PCDH15: variants seen among roughly 807,000 people sequenced by gnomAD.
PCDH15 encodes protocadherin related 15.
PCDH15 carries 129 observed loss-of-function variants against 178.5 expected under a neutral mutation model. That is an observed-to-expected ratio of 0.72 (90% CI 0.63 to 0.84). PCDH15 has a LOEUF of 0.84. Among genes scored for constraint, PCDH15 ranks in the 40% least tolerant of loss-of-function variants. The pLI is 0.00. For synonymous variants in PCDH15, 800 were observed against 732.0 expected, an observed-to-expected ratio of 1.09 and a Z score of -1.50; for missense variants, 2,230 against 2,099.9, an observed-to-expected ratio of 1.06 and a Z score of -1.21.
intron 9 of PCDH15, among the ~76,000 whole-genome samples, chr10:54,231,888 C>T (rs1474305256): frequency 5.3e-5 from 8 of 152,148 alleles, no homozygotes; most frequent in Admixed American, 5.2e-4. Flanking sequence ...GCCTGTACCC[C>T]CATTGTATCT....
At chr10:55,423,963 A>T (rs954266401) in intron 2 of PCDH15, among the ~76,000 whole-genome samples, 6 of 152,102 alleles carry the variant, frequency 3.9e-5, no homozygotes. Flanking sequence ...TTTAGAATCC[A>T]CAGTAATAAT....
chr10:54,134,328 C>T (rs79798284), intron 14 of PCDH15, among the ~76,000 whole-genome samples: 2,531 of 149,568 alleles, frequency 0.017, 340 homozygotes, highest in African/African-American at 0.059. Flanking sequence ...CAGGTATGAG[C>T]ACCACACCTG....
intron 2 of PCDH15, among the ~76,000 whole-genome samples, chr10:55,334,242 A>ATGTATGTGTG (rs1844304366): frequency 1.4e-5 from 1 of 72,162 alleles, no homozygotes; most frequent in African/African-American, 9.5e-5. Context: ...ATATATATAT[A>ATGTATGTGTG]TGTGTGTGTG....
chr10:54,034,946 T>G (rs1294370061), intron 18 of PCDH15, among the ~76,000 whole-genome samples: 2 of 151,902 alleles, frequency 1.3e-5, no homozygotes, highest in Non-Finnish European at 2.9e-5. Context: ...ACATCCTTTT[T>G]TCTTTCTGGT....
rs768219545 is a variant in PCDH15, at chr10:53,840,451, G to A, written c.3852C>T (p.Val1284=). 1.9e-6 allele frequency: 3 copies of A among 1,613,994 alleles called. No homozygotes were observed. Among genetic ancestry groups the A allele is most frequent in the Non-Finnish European group, 2.5e-6 (3 of 1,179,926 alleles). Residue 1284 remains valine (V), a synonymous_variant, in exon 29 of 38, where the codon GTC becomes GTT. Coordinates refer to ENST00000644397, the MANE Select transcript of PCDH15 (RefSeq NM_001384140.1). The part of the protein sequence containing the change: ...YVQEQIPGAK[V]VVESIGARRH... The stretch of plus-strand genomic sequence containing the variant: ...GGCGAGCTCCAATGGACTCCACTAC[G>A]ACCTTGGCACCAGGAATTTGTTCCT...
chr10:54,226,847 C>T lies in PCDH15; in HGVS notation c.985+9976G>A, dbSNP rs114720710. 9.3e-3 allele frequency among the ~76,000 whole-genome samples: 1,409 copies of T among 152,214 alleles called. 15 individuals carry two copies. The highest frequency in any genetic ancestry group is 0.032 in the African/African-American group (1,336 of 41,546). ...CCAAAACGAAGGGTCTACAGGCCCC[C>T]AAGTCCAAAATCCAGCAGGAAAGTC... On this transcript the variant is annotated intron_variant, in intron 9 of 37. Transcript: ENST00000644397.
chr10:55,496,957 A>G (rs1175174334), intron 2 of PCDH15, among the ~76,000 whole-genome samples: 1 of 151,882 alleles, frequency 6.6e-6, no homozygotes, highest in Non-Finnish European at 1.5e-5. Context: ...TCTCCACAAA[A>G]TAGGCAAAAT....
At chr10:55,484,363 A>T (rs1268786230) in intron 2 of PCDH15, among the ~76,000 whole-genome samples, 3 of 151,772 alleles carry the variant, frequency 2.0e-5, no homozygotes, top group Non-Finnish European at 4.4e-5. Context: ...CTATTACAAA[A>T]TCCAAAACAT....
At chr10:54,373,705 T>A (rs374430997) in intron 4 of PCDH15, among the ~76,000 whole-genome samples, 4 of 152,010 alleles carry the variant, frequency 2.6e-5, no homozygotes, top group Non-Finnish European at 5.9e-5. Context: ...TTTATAAAAC[T>A]GATATGAGGT....
chr10:54,417,307 A>G (rs944802277), intron 3 of PCDH15, among the ~76,000 whole-genome samples: 1 of 152,104 alleles, frequency 6.6e-6, no homozygotes, highest in Non-Finnish European at 1.5e-5. Flanking sequence ...CCAAATTGGA[A>G]TTTTTTTTAA....
At chr10:55,547,195 C>G (rs1841903494) in intron 2 of PCDH15, among the ~76,000 whole-genome samples, 1 of 152,078 alleles carries the variant, frequency 6.6e-6, no homozygotes, top group Non-Finnish European at 1.5e-5. Context: ...CTGAAAGCTT[C>G]CCTTTAACTA....
At chr10:55,590,320 G>T (rs1485814441) in intron 2 of PCDH15, among the ~76,000 whole-genome samples, 2 of 131,558 alleles carry the variant, frequency 1.5e-5, no homozygotes, top group Non-Finnish European at 3.2e-5. Context: ...TTGTGGGGTG[G>T]GGGAGGGGGG....
At chr10:53,825,222 GAA>G in intron 32 of PCDH15, 1 of 1,435,610 alleles carries the variant, frequency 7.0e-7, no homozygotes, top group South Asian at 1.5e-5. Context: ...AAACAATTCT[GAA>G]AATATGAGCA....
intron 37 of PCDH15, chr10:53,809,647 C>T (rs2075795753): frequency 1.8e-6 from 2 of 1,099,300 alleles, no homozygotes; most frequent in South Asian, 3.0e-5. Context: ...TGGGTGATAG[C>T]TTCATGCATG....
intron 18 of PCDH15, among the ~76,000 whole-genome samples, chr10:54,037,180 T>C (rs1042204656): frequency 2.6e-5 from 4 of 151,964 alleles, no homozygotes; most frequent in African/African-American, 9.7e-5. Flanking sequence ...TGAACATTGT[T>C]GAAATAGCAA....
rs182051119 is a variant in PCDH15 at position 55,517,289 on chromosome 10, G to A, written c.-156+110336C>T. On this transcript the variant is annotated intron_variant, in intron 2 of 5. Transcript: ENST00000613346. The stretch of plus-strand genomic sequence containing the variant: ...CTTTTACTTCCAGAAAAACCAGGAT[G>A]TAAATTAACAAATATTAAATATTTT... Among the ~76,000 whole-genome samples the A allele has an allele frequency of 1.1e-3, 172 of 152,142 alleles. 1 individual carries two copies. The highest frequency in any genetic ancestry group is 4.1e-3 in the African/African-American group (169 of 41,518).
chr10:55,041,840 CA>C, intron 2 of PCDH15, among the ~76,000 whole-genome samples: 1 of 151,968 alleles, frequency 6.6e-6, no homozygotes, highest in Non-Finnish European at 1.5e-5. Context: ...AACTTATAAA[CA>C]AGTTCTGCAT....
At chr10:54,673,235 C>T (rs550220322) in intron 1 of PCDH15, among the ~76,000 whole-genome samples, 5 of 152,052 alleles carry the variant, frequency 3.3e-5, no homozygotes, top group South Asian at 4.2e-4. Flanking sequence ...TCCCCACCCC[C>T]GCGACAGGCC....
intron 21 of PCDH15, among the ~76,000 whole-genome samples, chr10:53,972,745 C>A (rs1237199074): frequency 6.6e-6 from 1 of 152,128 alleles, no homozygotes; most frequent in Non-Finnish European, 1.5e-5. Context: ...AATGAGATAC[C>A]ATCTCACACC....
Sources: allele counts gnomAD v4.1 joint callset (sites outside exome capture counted in the v4.1 genomes callset), GRCh38; gene constraint gnomAD v4.1.1; transcripts MANE v1.5; gene names NCBI Gene and HGNC (gene_info 2026-07-23, HGNC 2026-07-21).